DLGAP1: variants seen among roughly 807,000 people sequenced by gnomAD.
The protein encoded by DLGAP1 is DLG associated protein 1, also known as disks large-associated protein 1.
A neutral mutation model predicts 90.8 loss-of-function variants in DLGAP1; 11 were observed. That is an observed-to-expected ratio of 0.12 (90% CI 0.08 to 0.20). The LOEUF (loss-of-function observed/expected upper bound fraction) is 0.20. Among genes scored for constraint, DLGAP1 ranks in the 10% least tolerant of loss-of-function variants. The pLI, the probability that DLGAP1 is intolerant of heterozygous loss-of-function variation, is 1.00. For missense variants in DLGAP1, 1,050 were observed against 1,333.8 expected, an observed-to-expected ratio of 0.79 and a Z score of 3.31; for synonymous variants, 558 against 540.7, an observed-to-expected ratio of 1.03 and a Z score of -0.44.
Position 4,342,325 on chromosome 18 carries a change from T to C in DLGAP1, c.-267+112681A>G, listed in dbSNP as rs140415370. Among the ~76,000 whole-genome samples, 119 of 152,232 alleles carry C rather than the reference T, an allele frequency of 7.8e-4. No individual in the cohort carries two copies. Among genetic ancestry groups the C allele is most frequent in the African/African-American group, 2.7e-3 (112 of 41,540 alleles). On this transcript the variant is annotated intron_variant, in intron 1 of 12. Coordinates refer to ENST00000315677, the MANE Select transcript of DLGAP1 (RefSeq NM_004746.4). The surrounding 1 kb of genome is among the most constrained non-coding windows in gnomAD (Gnocchi z 5.8). ...AGATGTTACTTGTATTTTTGAACTA[T>C]AAAATATTATACTTATGAATATAAA...
chr18:4,395,625 A>T (rs1169964849), intron 1 of DLGAP1, among the ~76,000 whole-genome samples: 1 of 152,212 alleles, frequency 6.6e-6, no homozygotes, highest in East Asian at 1.9e-4. Flanking sequence ...GTTTTCTGGT[A>T]AAAGTAAATA....
At chr18:4,288,712 G>A (rs182042027) in intron 1 of DLGAP1, among the ~76,000 whole-genome samples, 1 of 152,206 alleles carries the variant, frequency 6.6e-6, no homozygotes, top group African/African-American at 2.4e-5. Flanking sequence ...TCATTTCAAC[G>A]TGGGGCACAC....
intron 5 of DLGAP1, among the ~76,000 whole-genome samples, chr18:3,787,255 GGGC>G (rs1245752892): frequency 5.3e-5 from 8 of 151,818 alleles, no homozygotes; most frequent in African/African-American, 1.9e-4. Context: ...AGGCCGAGGC[GGGC>G]GGATCACAAG....
At chr18:3,666,415 C>G (rs1215881847) in intron 7 of DLGAP1, among the ~76,000 whole-genome samples, 3 of 152,144 alleles carry the variant, frequency 2.0e-5, no homozygotes, top group African/African-American at 7.2e-5. Context: ...CAAAGCCAGA[C>G]CCGAGTTTCC....
At chr18:4,146,285 C>T (rs558439017) in intron 2 of DLGAP1, among the ~76,000 whole-genome samples, 1 of 152,224 alleles carries the variant, frequency 6.6e-6, no homozygotes, top group Non-Finnish European at 1.5e-5. Flanking sequence ...GATGAAGATA[C>T]TAAAGTACAT....
chr18:3,805,240 G>A (rs979253090), intron 5 of DLGAP1, among the ~76,000 whole-genome samples: 2 of 152,214 alleles, frequency 1.3e-5, no homozygotes, highest in African/African-American at 4.8e-5. Context: ...TTGAAGTGGC[G>A]TGATGTTACT....
At position 4,454,406 on chromosome 18, in the gene DLGAP1, T is replaced by TTCTATCTC. The variant is rs1555621485; in HGVS notation, c.-267+599_-267+600insGAGATAGA. On this transcript the variant is annotated intron_variant, in intron 1 of 12. Transcript: ENST00000315677. This position sits in a 1 kb window ranked among gnomAD's most constrained non-coding sequence, Gnocchi z 4.7. ...CAGTGACCTCCTCCTTGGACCCCAT[T>TTCTATCTC]TCTCTCTCTCTCTCTCTCTCTGTGC... 2.0e-5 allele frequency among the ~76,000 whole-genome samples: 3 copies of TTCTATCTC among 150,558 alleles called. No individual in the cohort carries two copies. The highest frequency in any genetic ancestry group is 4.4e-5 in the Non-Finnish European group (3 of 67,496).
At chr18:3,683,654 G>T (rs2060600042) in intron 7 of DLGAP1, among the ~76,000 whole-genome samples, 1 of 152,002 alleles carries the variant, frequency 6.6e-6, no homozygotes, top group South Asian at 2.1e-4. Context: ...CTCAGACAAA[G>T]GATTATCATC....
chr18:3,842,305 T>A (rs1017734007), intron 4 of DLGAP1, among the ~76,000 whole-genome samples: 19 of 152,164 alleles, frequency 1.2e-4, no homozygotes, highest in African/African-American at 4.6e-4. Flanking sequence ...GGTCCCCAGC[T>A]ACATCATACT....
intron 2 of DLGAP1, among the ~76,000 whole-genome samples, chr18:4,064,870 A>G (rs1277409443): frequency 6.6e-6 from 1 of 152,164 alleles, no homozygotes; most frequent in Non-Finnish European, 1.5e-5. Flanking sequence ...GCAAAGATAC[A>G]ACAAAAAAAG....
intron 1 of DLGAP1, among the ~76,000 whole-genome samples, chr18:4,232,163 A>G (rs532034053): frequency 1.9e-4 from 29 of 152,312 alleles, no homozygotes; most frequent in Non-Finnish European, 2.9e-4. Context: ...CCTACAAACT[A>G]TCCCAAGAAT....
intron 5 of DLGAP1, among the ~76,000 whole-genome samples, chr18:3,809,329 C>G (rs1411359249): frequency 6.6e-6 from 1 of 152,096 alleles, no homozygotes; most frequent in Non-Finnish European, 1.5e-5. Flanking sequence ...AATCAATTTG[C>G]CAAAAGGCAC....
At position 3,894,608 on chromosome 18, in the gene DLGAP1, G is replaced by A. The variant is rs576961937; in HGVS notation, c.-72-14468C>T. 7.2e-5 allele frequency: 11 copies of A among 152,166 alleles called. 1 individual carries two copies. The highest frequency in any genetic ancestry group is 6.8e-3 in the Middle Eastern group (2 of 294). The allele number at this position is 152,166 out of a possible 1,614,324, so 9.4% of individuals were successfully genotyped here. A position where few individuals can be genotyped will look rare whatever the true frequency, so the allele number is the denominator to read the frequency against. ...TAGCCTTGTAGTATAATTTGAAGTC[G>A]GGTAATATGATGCCTGTAGCTTTGT... On this transcript the variant is annotated intron_variant, in intron 3 of 12. Coordinates refer to ENST00000315677, the MANE Select transcript of DLGAP1 (RefSeq NM_004746.4).
chr18:4,202,280 A>C (rs1397621743), intron 1 of DLGAP1, among the ~76,000 whole-genome samples: 1 of 152,166 alleles, frequency 6.6e-6, no homozygotes, highest in Non-Finnish European at 1.5e-5. Context: ...GTATGTTCTC[A>C]CTTATAGGTG....
chr18:3,985,324 G>A (rs1486658715), intron 3 of DLGAP1, among the ~76,000 whole-genome samples: 1 of 152,076 alleles, frequency 6.6e-6, no homozygotes, highest in Non-Finnish European at 1.5e-5. Flanking sequence ...AATGCTCCAG[G>A]CCTGGCTCAT....
intron 1 of DLGAP1, among the ~76,000 whole-genome samples, chr18:4,167,325 C>A (rs567599487): frequency 6.6e-4 from 101 of 152,166 alleles, no homozygotes; most frequent in African/African-American, 2.2e-3. Context: ...AAAAATATAT[C>A]ATGCAAACAC....
chr18:3,720,983 G>C (rs1315949036), intron 7 of DLGAP1, among the ~76,000 whole-genome samples: 3 of 151,306 alleles, frequency 2.0e-5, no homozygotes, highest in Non-Finnish European at 4.4e-5. Flanking sequence ...TCGAGCACAG[G>C]ATGTTGAGGC....
At chr18:4,188,003 AAAAACAAAAAC>A (rs2077329480) in intron 1 of DLGAP1, among the ~76,000 whole-genome samples, 1 of 151,944 alleles carries the variant, frequency 6.6e-6, no homozygotes, top group African/African-American at 2.4e-5. Flanking sequence ...GTCTCAAAAC[AAAAACAAAAAC>A]AAAACAAACC....
chr18:4,445,604 A>T (rs144789119), intron 1 of DLGAP1, among the ~76,000 whole-genome samples: 2,052 of 152,144 alleles, frequency 0.013, 20 homozygotes, highest in South Asian at 0.039. Flanking sequence ...AATTTCATCC[A>T]TGCCAATCAT....
Sources: allele counts gnomAD v4.1 joint callset (sites outside exome capture counted in the v4.1 genomes callset), GRCh38; gene constraint gnomAD v4.1.1; non-coding constraint Gnocchi (gnomAD v3.1); transcripts MANE v1.5; gene names NCBI Gene and HGNC (gene_info 2026-07-23, HGNC 2026-07-21).